ABHD2: variants seen among roughly 807,000 people sequenced by gnomAD.
ABHD2 encodes abhydrolase domain containing 2, acylglycerol lipase, also known as monoacylglycerol lipase ABHD2.
Under a neutral mutation model 48.1 loss-of-function variants are expected in ABHD2, and 20 were observed. The observed-to-expected ratio is 0.42, with a 90% CI of 0.29 to 0.60. The LOEUF (loss-of-function observed/expected upper bound fraction) is 0.60. Among genes scored for constraint, ABHD2 ranks in the 20% least tolerant of loss-of-function variants. The probability of loss-of-function intolerance (pLI) is 0.24; values close to 1 mark genes in which losing one functional copy is unlikely to be tolerated. For missense variants in ABHD2, 405 were observed against 550.9 expected (o/e 0.74, Z 2.65); for synonymous variants, 209 against 214.2 (o/e 0.98, Z 0.21).
At chr15:89,047,868 C>G in the ABHD2 span, among the ~76,000 whole-genome samples, 1 of 145,836 alleles carries the variant, frequency 6.9e-6, no homozygotes, top group Middle Eastern at 3.6e-3. Flanking sequence ...CAGTCTGTGT[C>G]TTTTAATTGG....
At chr15:89,153,326 G>T (rs1254465924) in intron 4 of ABHD2, among the ~76,000 whole-genome samples, 1 of 152,230 alleles carries the variant, frequency 6.6e-6, no homozygotes, top group Non-Finnish European at 1.5e-5. Flanking sequence ...CTAATAAACA[G>T]CCATGGAAGA....
Position 89,106,600 on chromosome 15 carries a change from C to G in ABHD2, c.-106-7125C>G, listed in dbSNP as rs2150796063. Among the ~76,000 whole-genome samples, 1 of 152,286 alleles carries G rather than the reference C, an allele frequency of 6.6e-6. No homozygotes were observed. ...AGACGGGGATGGCTAGGCCTTCTCC[C>G]CAAAATCATCTGGGCTTGTTTTCGT... On this transcript the variant is annotated intron_variant, in intron 1 of 10. Coordinates refer to ENST00000352732, the MANE Select transcript of ABHD2 (RefSeq NM_152924.5). The surrounding 1 kb of genome is among the most constrained non-coding windows in gnomAD (Gnocchi z 4.2).
At chr15:89,079,483 CAAAATAAACCTCTACA>C in the ABHD2 span, among the ~76,000 whole-genome samples, 1 of 142,362 alleles carries the variant, frequency 7.0e-6, no homozygotes, top group Admixed American at 6.7e-5. This position sits in a 1 kb window ranked among gnomAD's most constrained non-coding sequence, Gnocchi z 4.3. Flanking sequence ...CTCTACATGG[CAAAATAAACCTCTACA>C]TGGCAAAATA....
At chr15:89,069,816 A>T in the ABHD2 span, among the ~76,000 whole-genome samples, 7 of 151,260 alleles carry the variant, frequency 4.6e-5, no homozygotes, top group Non-Finnish European at 1.0e-4. Flanking sequence ...AGTAGCTGGG[A>T]TTACAGGTGC....
the ABHD2 span, among the ~76,000 whole-genome samples, chr15:89,074,125 G>A: frequency 1.3e-5 from 2 of 152,180 alleles, no homozygotes; most frequent in East Asian, 3.9e-4. Flanking sequence ...TGTAATCCCA[G>A]CACTTTGGGA....
In ABHD2 at chr15:89,151,924, G is replaced by A; in HGVS notation, c.370+72G>A. 2 of 1,537,908 alleles carry A rather than the reference G, an allele frequency of 1.3e-6. No homozygotes were observed. The highest frequency in any genetic ancestry group is 1.8e-6 in the Non-Finnish European group (2 of 1,137,176). ...GCACTAGTCAGTGGAGAGCACAGCA[G>A]TGTGAATACTTGTGCCACTGACTCT... On this transcript the variant is annotated intron_variant, in intron 4 of 10. Coordinates refer to ENST00000352732, the MANE Select transcript of ABHD2 (RefSeq NM_152924.5). This position sits in a 1 kb window ranked among gnomAD's most constrained non-coding sequence, Gnocchi z 4.7.
chr15:89,060,090 T>TC, the ABHD2 span, among the ~76,000 whole-genome samples: 1 of 144,420 alleles, frequency 6.9e-6, no homozygotes, highest in East Asian at 2.0e-4. Flanking sequence ...GGCCTTTTTT[T>TC]TTTTTTTTTT....
the ABHD2 span, among the ~76,000 whole-genome samples, chr15:89,053,659 G>A: frequency 1.3e-5 from 2 of 152,214 alleles, no homozygotes; most frequent in Non-Finnish European, 2.9e-5. Flanking sequence ...GACAGCCTTC[G>A]AGAGGAGGGG....
chr15:89,190,315 C>T lies in ABHD2; in HGVS notation c.927-765C>T, dbSNP rs74029944. Among the ~76,000 whole-genome samples the T allele has an allele frequency of 3.8e-3, 576 of 152,308 alleles. 4 individuals carry two copies. Among genetic ancestry groups the T allele is most frequent in the African/African-American group, 0.013 (523 of 41,552 alleles). ...TCTGGGAGCACGGAGCAGAGCAGAGCAGAGCTGCGGCCCCTCATTCATGCT... is the reference window on the plus strand; with the variant it reads ...TCTGGGAGCACGGAGCAGAGCAGAGTAGAGCTGCGGCCCCTCATTCATGCT... On this transcript the variant is annotated intron_variant, in intron 8 of 10. Transcript: ENST00000352732.
the ABHD2 span, among the ~76,000 whole-genome samples, chr15:89,055,300 C>T: frequency 6.6e-6 from 1 of 151,118 alleles, no homozygotes; most frequent in Non-Finnish European, 1.5e-5. Context: ...GGACTATCTC[C>T]CACAAAAGTA....
In ABHD2 at chr15:89,091,407, T is replaced by C. The variant is rs1052155520; in HGVS notation, c.-107+2844T>C. Among the ~76,000 whole-genome samples, 3 of 152,256 alleles carry C rather than the reference T, an allele frequency of 2.0e-5. No homozygotes were observed. Among genetic ancestry groups the C allele is most frequent in the African/African-American group, 4.8e-5 (2 of 41,476 alleles). On this transcript the variant is annotated intron_variant, in intron 1 of 10. Transcript: ENST00000352732. This position sits in a 1 kb window ranked among gnomAD's most constrained non-coding sequence, Gnocchi z 5.5. ...CTAGAGATCAGCCATTTTAGAATAA[T>C]AGTTTTCATTTCTTTGCTTGTGTAT...
chr15:89,062,767 G>T, the ABHD2 span, among the ~76,000 whole-genome samples: 928 of 152,206 alleles, frequency 6.1e-3, 10 homozygotes, highest in South Asian at 0.014. Flanking sequence ...AAGAATAGGA[G>T]CAGTTTCAGA....
intron 3 of ABHD2, chr15:89,136,442 A>C (rs1448182594): frequency 3.1e-5 from 15 of 481,086 alleles, no homozygotes; most frequent in Non-Finnish European, 4.4e-5. Context: ...TTTGCACAAA[A>C]AATGCATATG....
the ABHD2 span, among the ~76,000 whole-genome samples, chr15:89,054,584 G>A: frequency 6.6e-6 from 1 of 152,056 alleles, no homozygotes; most frequent in Admixed American, 6.5e-5. Context: ...GGAAGACCGA[G>A]GCAGGAGAAT....
intron 1 of ABHD2, chr15:89,090,279 A>G (rs1901542576): frequency 6.6e-6 from 1 of 152,166 alleles, no homozygotes; most frequent in African/African-American, 2.4e-5. Context: ...CACCTCTAAA[A>G]CAGAAATAAT....
At chr15:89,093,959 A>AC (rs1383597607) in intron 1 of ABHD2, 1 of 152,004 alleles carries the variant, frequency 6.6e-6, no homozygotes, top group African/African-American at 2.4e-5. Context: ...ATGTGCCTTA[A>AC]CCTTCGTCTT....
In ABHD2 at chr15:89,196,895, G is replaced by A. The variant is rs2051413360; in HGVS notation, c.*1472G>A. On this transcript the variant is annotated 3_prime_UTR_variant, in exon 11 of 11. Coordinates refer to ENST00000352732, the MANE Select transcript of ABHD2 (RefSeq NM_152924.5). ...TGGTACTTGAATATCCAAAAACCCT[G>A]CACTTTGAACAATCAGCTGTTGCTA... 1 of 152,604 alleles carries A rather than the reference G, an allele frequency of 6.6e-6. No homozygotes were observed. Among genetic ancestry groups the A allele is most frequent in the East Asian group, 1.9e-4 (1 of 5,192 alleles). 9.5% of individuals were successfully genotyped at this position (152,604 alleles called of 1,614,324 possible).
intron 5 of ABHD2, among the ~76,000 whole-genome samples, chr15:89,172,035 A>T (rs1018031678): frequency 1.6e-4 from 24 of 148,924 alleles, no homozygotes; most frequent in African/African-American, 5.9e-4. Context: ...TTTTTTTTTA[A>T]AAAAAATCCC....
chr15:89,116,534 C>T lies in ABHD2; in HGVS notation c.194+13C>T. ...TTCTGACCAAAGAGTGAGTAGACCT[C>T]ATGCCCTCTGTATGCTCAGCTGCTG... is the stretch of plus-strand genomic sequence containing the variant. On this transcript the variant is annotated intron_variant, in intron 3 of 10. Coordinates refer to ENST00000352732, the MANE Select transcript of ABHD2 (RefSeq NM_152924.5). The surrounding 1 kb of genome is among the most constrained non-coding windows in gnomAD (Gnocchi z 4.6). The T allele has an allele frequency of 6.2e-7, 1 of 1,607,578 alleles. No homozygotes were observed.
Sources: gnomAD v4.1 joint callset for allele counts (sites outside exome capture counted in the v4.1 genomes callset) on GRCh38, gnomAD v4.1.1 for gene constraint, Gnocchi (gnomAD v3.1) non-coding constraint, MANE v1.5 for transcripts, NCBI Gene and HGNC (gene_info 2026-07-23, HGNC 2026-07-21) for gene names.